Variants in SOX5 observed in about 807,000 individuals in gnomAD.
SOX5 encodes transcription factor SOX-5.
In SOX5, 9 loss-of-function variants were observed where a neutral mutation model predicts 92.0. The ratio of observed to expected loss-of-function variants is 0.10; its 90% CI spans 0.06 to 0.17. The LOEUF (loss-of-function observed/expected upper bound fraction) is 0.17, where lower values mean the gene tolerates loss of function less well. Among genes scored for constraint, SOX5 ranks in the 10% least tolerant of loss-of-function variants. SOX5 has a pLI of 1.00. For synonymous variants in SOX5, 344 were observed against 336.3 expected (o/e 1.02, Z -0.25); for missense variants, 642 against 944.5 (o/e 0.68, Z 4.20).
chr12:23,882,680 C>G (rs2097009331), intron 2 of SOX5, among the ~76,000 whole-genome samples: 2 of 152,102 alleles, frequency 1.3e-5, no homozygotes, highest in Non-Finnish European at 2.9e-5. Flanking sequence ...CTGAAACTCA[C>G]TATACAAAAA....
At chr12:23,941,292 T>C (rs546727963) in intron 1 of SOX5, among the ~76,000 whole-genome samples, 1 of 151,696 alleles carries the variant, frequency 6.6e-6, no homozygotes, top group East Asian at 1.9e-4. Flanking sequence ...CCCCATCACT[T>C]TGATTCTTTA....
intron 2 of SOX5, among the ~76,000 whole-genome samples, chr12:23,861,704 C>T (rs1484488128): frequency 6.6e-6 from 1 of 152,062 alleles, no homozygotes; most frequent in African/African-American, 2.4e-5. Context: ...TCATGGAGCT[C>T]AATTTAAAGA....
chr12:24,191,908 A>G (rs1487552359), intron 4 of SOX5, among the ~76,000 whole-genome samples: 1 of 152,212 alleles, frequency 6.6e-6, no homozygotes, highest in Admixed American at 6.5e-5. Flanking sequence ...ATCATACAGA[A>G]TCGAGATCAG....
intron 1 of SOX5, among the ~76,000 whole-genome samples, chr12:24,490,070 G>C (rs1386695517): frequency 1.3e-5 from 2 of 152,208 alleles, no homozygotes; most frequent in African/African-American, 4.8e-5. Flanking sequence ...TACTGCAGTG[G>C]ATGGCAGACT....
intron 14 of SOX5, among the ~76,000 whole-genome samples, chr12:23,535,435 C>T (rs557470071): frequency 7.3e-4 from 111 of 152,294 alleles, no homozygotes; most frequent in Middle Eastern, 6.8e-3. Flanking sequence ...AGTTGTGCTG[C>T]CACAGACTTG....
At chr12:24,028,251 CAGG>C (rs1955097941) in intron 4 of SOX5, among the ~76,000 whole-genome samples, 1 of 151,926 alleles carries the variant, frequency 6.6e-6, no homozygotes, top group African/African-American at 2.4e-5. Flanking sequence ...TCCCTGAGGG[CAGG>C]AGATCATAAC....
chr12:24,113,729 T>C (rs1274455916), intron 4 of SOX5, among the ~76,000 whole-genome samples: 1 of 151,980 alleles, frequency 6.6e-6, no homozygotes, highest in African/African-American at 2.4e-5. Flanking sequence ...CAAAGCAAAA[T>C]CTAGAAAACT....
intron 6 of SOX5, among the ~76,000 whole-genome samples, chr12:23,726,248 C>G (rs536506023): frequency 1.3e-5 from 2 of 151,714 alleles, no homozygotes; most frequent in Non-Finnish European, 2.9e-5. Context: ...AGTTAGTACT[C>G]TGTCTAGGGA....
intron 2 of SOX5, among the ~76,000 whole-genome samples, chr12:23,875,691 C>G (rs2096920282): frequency 1.3e-5 from 2 of 152,038 alleles, no homozygotes. Flanking sequence ...GAGATTTTTA[C>G]CATTAAGTTT....
At chr12:24,464,960 G>A (rs556776912) in intron 1 of SOX5, among the ~76,000 whole-genome samples, 9 of 152,356 alleles carry the variant, frequency 5.9e-5, no homozygotes, top group African/African-American at 2.2e-4. Context: ...GTCCAGGATA[G>A]CTGCAGAAGC....
intron 1 of SOX5, among the ~76,000 whole-genome samples, chr12:24,391,232 C>T (rs940281657): frequency 4.6e-5 from 7 of 151,948 alleles, no homozygotes; most frequent in African/African-American, 1.7e-4. Flanking sequence ...TTTTGAAAAA[C>T]GTTTCTTCAT....
At chr12:23,915,992 TG>T (rs1012892614) in intron 1 of SOX5, among the ~76,000 whole-genome samples, 1 of 152,148 alleles carries the variant, frequency 6.6e-6, no homozygotes, top group African/African-American at 2.4e-5. Context: ...TGGCTTAGAT[TG>T]ATACAGTGCA....
At chr12:24,467,575 A>G (rs1213954826) in intron 1 of SOX5, among the ~76,000 whole-genome samples, 2 of 152,320 alleles carry the variant, frequency 1.3e-5, no homozygotes, top group East Asian at 3.9e-4. Flanking sequence ...TCCTTTATGG[A>G]AAAGTTTTGT....
intron 6 of SOX5, among the ~76,000 whole-genome samples, chr12:23,689,216 C>T (rs1269836364): frequency 1.3e-5 from 2 of 152,042 alleles, no homozygotes; most frequent in Non-Finnish European, 2.9e-5. Context: ...CATTATCCTA[C>T]GGGTATAGTT....
chr12:23,617,571 T>C (rs914416655), intron 8 of SOX5, among the ~76,000 whole-genome samples: 3 of 152,040 alleles, frequency 2.0e-5, no homozygotes. Flanking sequence ...CAATGAGGGG[T>C]GGAGTGTTAG....
intron 8 of SOX5, among the ~76,000 whole-genome samples, chr12:23,629,640 A>C (rs79854946): frequency 0.021 from 3,150 of 152,190 alleles, 89 homozygotes; most frequent in African/African-American, 0.069. Flanking sequence ...TCCGGTGAAT[A>C]GTTTGAAACA....
intron 4 of SOX5, among the ~76,000 whole-genome samples, chr12:23,958,982 C>T (rs1051729607): frequency 2.0e-5 from 3 of 151,700 alleles, no homozygotes; most frequent in African/African-American, 7.3e-5. Context: ...GACAAAATAT[C>T]TATGATGAAC....
At chr12:24,440,832 C>T (rs1246942488) in intron 1 of SOX5, among the ~76,000 whole-genome samples, 1 of 152,106 alleles carries the variant, frequency 6.6e-6, no homozygotes, top group African/African-American at 2.4e-5. Flanking sequence ...TGGTTTGACC[C>T]ACATTATTCT....
At chr12:24,058,759 C>T (rs940293416) in intron 4 of SOX5, among the ~76,000 whole-genome samples, 5 of 151,874 alleles carry the variant, frequency 3.3e-5, no homozygotes, top group African/African-American at 4.8e-5. Context: ...GATCCTGAAC[C>T]TTCATCAGGT....
Sources: gnomAD v4.1 joint callset for allele counts (sites outside exome capture counted in the v4.1 genomes callset) on GRCh38, gnomAD v4.1.1 for gene constraint, MANE v1.5 for transcripts, NCBI Gene and HGNC (gene_info 2026-07-23, HGNC 2026-07-21) for gene names.